Variants in LCK observed in about 807,000 individuals in gnomAD.
LCK encodes the protein LCK proto-oncogene, Src family tyrosine kinase.
In LCK, 14 loss-of-function variants were observed where a neutral mutation model predicts 64.6. The ratio of observed to expected loss-of-function variants is 0.22; its 90% CI spans 0.14 to 0.34. LCK has a LOEUF of 0.34. Among genes scored for constraint, LCK ranks in the 10% least tolerant of loss-of-function variants. LCK has a pLI of 1.00. For missense variants in LCK, 434 were observed against 668.1 expected, an observed-to-expected ratio of 0.65 and a Z score of 3.86; for synonymous variants, 277 against 263.6, an observed-to-expected ratio of 1.05 and a Z score of -0.49.
rs754479058 is a variant in LCK at position 32,274,976 on chromosome 1, G to T, written c.188-17G>T. ...CGATCCCAGCTCGGTTCTCCCTGAT[G>T]CCCCTTGTCTTTACAGACAACCTGG... On this transcript the variant is annotated splice_polypyrimidine_tract_variant and intron_variant, in intron 3 of 12. Coordinates refer to ENST00000336890, the MANE Select transcript of LCK (RefSeq NM_005356.5). The T allele has an allele frequency of 9.9e-6, 16 of 1,614,020 alleles. No individual in the cohort carries two copies. The East Asian group carries it at 3.3e-4, about 34-fold the overall frequency.
intron 1 of LCK, among the ~76,000 whole-genome samples, chr1:32,264,421 C>T (rs1343625379): frequency 6.6e-6 from 1 of 151,734 alleles, no homozygotes; most frequent in African/African-American, 2.4e-5. Flanking sequence ...ATTTGGGAGG[C>T]TGAGGTGGGA....
chr1:32,263,397 T>TA (rs1419300461), intron 1 of LCK, among the ~76,000 whole-genome samples: 3 of 131,242 alleles, frequency 2.3e-5, no homozygotes, highest in African/African-American at 6.4e-5. Context: ...CGTCTCAAAA[T>TA]AAATAAAATA....
At position 32,276,246 on chromosome 1, in the gene LCK, C is replaced by A. The variant is rs935595513; in HGVS notation, c.632-91C>A. ...CCCACACCCCCTTGCTAGTCCACTT[C>A]ACCTAGATGGGGGCTTGGAGAAGTG... On this transcript the variant is annotated intron_variant, in intron 7 of 12. Coordinates refer to ENST00000336890, the MANE Select transcript of LCK (RefSeq NM_005356.5). This position sits in a 1 kb window ranked among gnomAD's most constrained non-coding sequence, Gnocchi z 4.6. 4.0e-6 allele frequency: 6 copies of A among 1,494,358 alleles called. No homozygotes were observed. The highest frequency in any genetic ancestry group is 4.5e-6 in the Non-Finnish European group (5 of 1,121,152). 92.6% of individuals were successfully genotyped at this position (1,494,358 alleles called of 1,614,324 possible). A position where few individuals can be genotyped will look rare whatever the true frequency, so the allele number is the denominator to read the frequency against.
intron 1 of LCK, 86 bp from the exon 2 acceptor site, chr1:32,274,239 C>A (rs1475748793): frequency 4.4e-6 from 7 of 1,603,218 alleles, no homozygotes; most frequent in Middle Eastern, 1.7e-4. Context: ...ACTTTTGGAA[C>A]TTTCCAGGGC....
chr1:32,284,382 CAA>C (rs1640557359), intron 12 of LCK, among the ~76,000 whole-genome samples: 1 of 148,718 alleles, frequency 6.7e-6, no homozygotes, highest in African/African-American at 2.5e-5. Flanking sequence ...TTTTTTGAGA[CAA>C]GAGTCTGGCT....
intron 12 of LCK, among the ~76,000 whole-genome samples, chr1:32,284,617 G>C (rs1362458374): frequency 6.6e-6 from 1 of 152,108 alleles, no homozygotes; most frequent in East Asian, 1.9e-4. Flanking sequence ...TGATCTGCCT[G>C]CTTTGGCCTC....
intron 2 of LCK, 95 bp downstream of exon 2, chr1:32,274,529 A>C (rs1253012836): frequency 9.3e-7 from 1 of 1,074,338 alleles, no homozygotes; most frequent in African/African-American, 1.6e-5. Context: ...TTGAAAGAAT[A>C]GAGTGGCCCT....
chr1:32,284,295 G>GATATATATATCTGTGAGAT (rs1640552245), intron 12 of LCK, among the ~76,000 whole-genome samples: 1 of 145,910 alleles, frequency 6.9e-6, no homozygotes, highest in Non-Finnish European at 1.5e-5. Context: ...ATATCTGTGA[G>GATATATATATCTGTGAGAT]ATATATATAT....
At chr1:32,272,145 G>T (rs1443745685) in intron 1 of LCK, among the ~76,000 whole-genome samples, 1 of 151,570 alleles carries the variant, frequency 6.6e-6, no homozygotes, top group Non-Finnish European at 1.5e-5. Flanking sequence ...TTAGCCAAGC[G>T]TGATGGTGCA....
At chr1:32,281,206 T>G (rs1299272393) in intron 12 of LCK, among the ~76,000 whole-genome samples, 9 of 146,074 alleles carry the variant, frequency 6.2e-5, no homozygotes, top group Non-Finnish European at 6.0e-5. Flanking sequence ...GCCATAACAC[T>G]CCAGCCTAGG....
At chr1:32,274,952 G>A (rs1640210972) in intron 3 of LCK, 41 bp from the exon 4 acceptor site, 2 of 1,614,040 alleles carry the variant, frequency 1.2e-6, no homozygotes, top group African/African-American at 1.3e-5. Flanking sequence ...GCTTCCTGCC[G>A]ATCCCAGCTC....
At chr1:32,259,750 C>CT (rs1231114116) in intron 1 of LCK, among the ~76,000 whole-genome samples, 2 of 151,962 alleles carry the variant, frequency 1.3e-5, no homozygotes, top group Non-Finnish European at 2.9e-5. Flanking sequence ...GTCGAGGCTT[C>CT]AGTGAGCTGT....
intron 1 of LCK, among the ~76,000 whole-genome samples, chr1:32,256,486 T>C (rs1444358155): frequency 6.6e-6 from 1 of 151,728 alleles, no homozygotes; most frequent in East Asian, 2.0e-4. Flanking sequence ...TAATCCCAGT[T>C]ACTTGGGAGG....
At chr1:32,262,727 T>C (rs1426486198) in intron 1 of LCK, among the ~76,000 whole-genome samples, 1 of 151,892 alleles carries the variant, frequency 6.6e-6, no homozygotes, top group African/African-American at 2.4e-5. Flanking sequence ...CCCAGACTCC[T>C]TCTGGTCTTA....
rs1041188030 is a variant in LCK at position 32,251,634 on chromosome 1, A to G, written c.-6+263A>G. 6.6e-5 allele frequency among the ~76,000 whole-genome samples: 10 copies of G among 152,196 alleles called. No individual in the cohort carries two copies. Among genetic ancestry groups the G allele is most frequent in the African/African-American group, 2.4e-4 (10 of 41,440 alleles). ...AGCGTGTTTCCTGGACACCAGGCACATGGACAGTCAGGTGTTAAAAAGGCT... is the reference window on the plus strand; with the variant it reads ...AGCGTGTTTCCTGGACACCAGGCACGTGGACAGTCAGGTGTTAAAAAGGCT... On this transcript the variant is annotated intron_variant, in intron 1 of 12. Coordinates refer to ENST00000336890, the MANE Select transcript of LCK (RefSeq NM_005356.5). This position sits in a 1 kb window ranked among gnomAD's most constrained non-coding sequence, Gnocchi z 4.0.
chr1:32,271,776 A>C (rs1640086378), intron 1 of LCK, among the ~76,000 whole-genome samples: 1 of 152,206 alleles, frequency 6.6e-6, no homozygotes, highest in African/African-American at 2.4e-5. Context: ...ACATTTATTA[A>C]CTAATTTTGG....
At chr1:32,270,948 C>G (rs560940086) in intron 1 of LCK, among the ~76,000 whole-genome samples, 1 of 150,798 alleles carries the variant, frequency 6.6e-6, no homozygotes, top group African/African-American at 2.4e-5. Context: ...GTGACCCACC[C>G]GCCTTGGCCT....
chr1:32,285,653 C>T lies in LCK; in HGVS notation c.1467C>T (p.Tyr489=), dbSNP rs745581229. ...ERPEDRPTFD[Y]LRSVLEDFFT... is the part of the protein sequence containing the mutation. ...CAGAGGACCGGCCCACCTTTGACTA[C>T]CTGCGCAGTGTGCTGGAGGACTTCT... Residue 489 remains tyrosine, a synonymous_variant, in exon 13 of 13, where the codon TAC becomes TAT. Coordinates refer to ENST00000336890, the MANE Select transcript of LCK (RefSeq NM_005356.5). The T allele has an allele frequency of 1.9e-6, 3 of 1,614,086 alleles. No homozygotes were observed. The highest frequency in any genetic ancestry group is 2.2e-5 in the South Asian group (2 of 91,058).
chr1:32,271,146 A>G (rs1225608866), intron 1 of LCK, among the ~76,000 whole-genome samples: 1 of 151,814 alleles, frequency 6.6e-6, no homozygotes, highest in Non-Finnish European at 1.5e-5. Context: ...AACTACAGGC[A>G]TGCCCCATCA....
Sources: allele counts gnomAD v4.1 joint callset (sites outside exome capture counted in the v4.1 genomes callset), GRCh38; gene constraint gnomAD v4.1.1; non-coding constraint Gnocchi (gnomAD v3.1); transcripts MANE v1.5; gene names NCBI Gene and HGNC (gene_info 2026-07-23, HGNC 2026-07-21).